The following ACSL1 variants were observed in gnomAD, a reference collection of about 807,000 sequenced individuals.
The protein encoded by ACSL1 is acyl-CoA synthetase long chain family member 1.
Under a neutral mutation model 98.4 loss-of-function variants are expected in ACSL1, and 41 were observed. The observed-to-expected ratio is 0.42, with a 90% CI of 0.32 to 0.54. The LOEUF is 0.54. Ranked by LOEUF, ACSL1 falls within the 20% of genes least tolerant of loss-of-function variation. The probability of loss-of-function intolerance (pLI) is 0.13; values close to 1 mark genes in which losing one functional copy is unlikely to be tolerated. For missense variants in ACSL1, 734 were observed against 883.1 expected (o/e 0.83, Z 2.14); for synonymous variants, 316 against 322.7 (o/e 0.98, Z 0.22).
At chr4:184,798,995 C>G (rs1769966828) in intron 2 of ACSL1, 1 of 152,344 alleles carries the variant, frequency 6.6e-6, no homozygotes, top group Non-Finnish European at 1.5e-5. Context: ...AACACCAACT[C>G]CTGCTCTGAT....
intron 1 of ACSL1, among the ~76,000 whole-genome samples, chr4:184,820,123 T>C (rs373489877): frequency 1.9e-4 from 29 of 152,218 alleles, no homozygotes; most frequent in African/African-American, 6.3e-4. Flanking sequence ...GTCACCCCCC[T>C]CCGATCCCTG....
intron 1 of ACSL1, among the ~76,000 whole-genome samples, chr4:184,815,492 G>C (rs1019858171): frequency 3.3e-5 from 5 of 152,102 alleles, no homozygotes; most frequent in African/African-American, 1.2e-4. Context: ...CCAGGCCTGG[G>C]GGGGGAAACT....
intron 2 of ACSL1, among the ~76,000 whole-genome samples, chr4:184,792,699 A>AAAGTATTGGGATGAC (rs1768609176): frequency 6.6e-6 from 1 of 152,190 alleles, no homozygotes; most frequent in Non-Finnish European, 1.5e-5. Context: ...TAGGCCTCCC[A>AAAGTATTGGGATGAC]AAGTATTGGG....
At chr4:184,760,791 G>C (rs2150264678) in intron 17 of ACSL1, among the ~76,000 whole-genome samples, 1 of 152,300 alleles carries the variant, frequency 6.6e-6, no homozygotes, top group South Asian at 2.1e-4. Context: ...CACTAGCAAG[G>C]CTTTGCTGGC....
chr4:184,763,411 AAG>A (rs1763136096), intron 15 of ACSL1, among the ~76,000 whole-genome samples, 156 bp from the exon 16 acceptor site: 1 of 152,230 alleles, frequency 6.6e-6, no homozygotes, highest in African/African-American at 2.4e-5. Context: ...AGTATAATTT[AAG>A]AGAGTCTATT....
At chr4:184,783,852 G>A (rs2102862) in intron 4 of ACSL1, 75 bp downstream of exon 4, 349,910 of 1,379,370 alleles carry the variant, frequency 0.25, 45,620 homozygotes, top group African/African-American at 0.31. Flanking sequence ...GAAACCTTCC[G>A]GCTCCAAGAA....
chr4:184,772,949 G>C, intron 10 of ACSL1, 132 bp downstream of exon 10: 1 of 762,984 alleles, frequency 1.3e-6, no homozygotes, highest in Non-Finnish European at 2.1e-6. Flanking sequence ...CTAAAGTTCT[G>C]ACCTTACCCA....
intron 1 of ACSL1, chr4:184,805,374 A>G: frequency 1.6e-6 from 1 of 637,038 alleles, no homozygotes; most frequent in Non-Finnish European, 2.0e-6. Context: ...TGCTACAATG[A>G]ATCCATGTAA....
At chr4:184,768,272 C>G in intron 12 of ACSL1, 44 bp downstream of exon 12, 3 of 1,583,888 alleles carry the variant, frequency 1.9e-6, no homozygotes, top group Non-Finnish European at 2.6e-6. Context: ...GCCCCTGCGT[C>G]CAAGTCAGTG....
intron 2 of ACSL1, among the ~76,000 whole-genome samples, chr4:184,793,352 C>T (rs1011117891): frequency 6.6e-6 from 1 of 152,188 alleles, no homozygotes; most frequent in Non-Finnish European, 1.5e-5. Flanking sequence ...CCCTTGGGGG[C>T]AGGAAGGGCA....
At chr4:184,778,394 T>G (rs138263853) in intron 5 of ACSL1, among the ~76,000 whole-genome samples, 18 of 152,298 alleles carry the variant, frequency 1.2e-4, no homozygotes, top group Non-Finnish European at 1.6e-4. Flanking sequence ...CCCAGCTCCT[T>G]AGGCACATGT....
intron 3 of ACSL1, among the ~76,000 whole-genome samples, chr4:184,786,011 A>G (rs1767232607): frequency 1.3e-5 from 2 of 151,858 alleles, no homozygotes; most frequent in Non-Finnish European, 2.9e-5. Context: ...GAGCGGAGTG[A>G]GTGTGTGAGT....
At chr4:184,779,588 T>C (rs192820258) in intron 5 of ACSL1, among the ~76,000 whole-genome samples, 1 of 152,288 alleles carries the variant, frequency 6.6e-6, no homozygotes, top group African/African-American at 2.4e-5. Context: ...ACCCATGGTA[T>C]TTTAAACTCT....
Position 184,777,003 on chromosome 4 carries a change from C to G in ACSL1, c.478-20G>C, listed in dbSNP as rs779521489. 1 of 1,604,342 alleles carries G rather than the reference C, an allele frequency of 6.2e-7. No individual in the cohort carries two copies. Among genetic ancestry groups the G allele is most frequent in the Admixed American group, 1.7e-5 (1 of 59,932 alleles). ...CACCCACTAAACAAACAGTAAAGGT[C>G]AGGGAGAGAAAACAGGATGTCATCA... On this transcript the variant is annotated intron_variant, in intron 5 of 20. Coordinates refer to ENST00000281455, the MANE Select transcript of ACSL1 (RefSeq NM_001995.5).
At position 184,759,576 on chromosome 4, in the gene ACSL1, T is replaced by C. The variant is rs573209258; in HGVS notation, c.1782+781A>G. 8.5e-5 allele frequency among the ~76,000 whole-genome samples: 13 copies of C among 152,098 alleles called. No individual in the cohort carries two copies. The South Asian group carries it at 2.7e-3, about 32-fold the overall frequency. On this transcript the variant is annotated intron_variant, in intron 18 of 20. Coordinates refer to ENST00000281455, the MANE Select transcript of ACSL1 (RefSeq NM_001995.5). ...GACATTTATGCAGCCAAAAGACACA[T>C]GAAAAAATGCTCATCATCACTGGCC...
In ACSL1 at chr4:184,773,854, G is replaced by A. The variant is rs372039837; in HGVS notation, c.778C>T (p.Arg260Trp). 2.8e-5 allele frequency: 45 copies of A among 1,613,848 alleles called. 1 individual carries two copies. Among genetic ancestry groups the A allele is most frequent in the South Asian group, 2.1e-4 (19 of 91,066 alleles). Reference protein sequence around the residue: ...AMEDLGRANRRKPKPPAPEDL... With the variant: ...AMEDLGRANRWKPKPPAPEDL... Reference sequence around the variant, plus strand: ...CACGGTGTGCTTACCTTGGGCTTCCGTCTGTTGGCTCTTCCCAGGTCCTTA... The same window carrying A: ...CACGGTGTGCTTACCTTGGGCTTCCATCTGTTGGCTCTTCCCAGGTCCTTA... The change falls in exon 8 of 21, where the codon CGG (arginine) becomes TGG (tryptophan). Residue 260 changes from arginine (R) to tryptophan (W), a missense_variant. Physicochemically the swap from Arg to Trp is moderately radical, Grantham distance 101. Coordinates refer to ENST00000281455, the MANE Select transcript of ACSL1 (RefSeq NM_001995.5). This position sits in a 1 kb window ranked among gnomAD's most constrained non-coding sequence, Gnocchi z 4.3.
In ACSL1 at chr4:184,766,593, G is replaced by A; in HGVS notation, c.1263+29C>T. 1 of 1,600,922 alleles carries A rather than the reference G, an allele frequency of 6.2e-7. No homozygotes were observed. Among genetic ancestry groups the A allele is most frequent in the South Asian group, 1.1e-5 (1 of 90,604 alleles). On this transcript the variant is annotated intron_variant, in intron 13 of 20. Coordinates refer to ENST00000281455, the MANE Select transcript of ACSL1 (RefSeq NM_001995.5). This position sits in a 1 kb window ranked among gnomAD's most constrained non-coding sequence, Gnocchi z 4.8. ...TCTGAAAAGCGAAGTCGGTTTCCAT[G>A]GGAGCAGTGGCTGTGAGTCACGTGT...
At chr4:184,821,041 C>G (rs1172835829) in intron 1 of ACSL1, 1 of 456,290 alleles carries the variant, frequency 2.2e-6, no homozygotes, top group Non-Finnish European at 4.4e-6. Context: ...ATCTTGTGTA[C>G]AGTAAGGATA....
chr4:184,780,595 C>T (rs1476384283), intron 4 of ACSL1, among the ~76,000 whole-genome samples, 162 bp from the exon 5 acceptor site: 1 of 152,152 alleles, frequency 6.6e-6, no homozygotes, highest in Non-Finnish European at 1.5e-5. Context: ...TTTGGTAAAA[C>T]ACAAGGTTTT....
Sources: gnomAD v4.1 joint callset for allele counts (sites outside exome capture counted in the v4.1 genomes callset) on GRCh38, gnomAD v4.1.1 for gene constraint, Gnocchi (gnomAD v3.1) non-coding constraint, MANE v1.5 for transcripts, NCBI Gene and HGNC (gene_info 2026-07-23, HGNC 2026-07-21) for gene names.